The following BLTP3A variants were observed in gnomAD, a reference collection of about 807,000 sequenced individuals.
BLTP3A encodes ICBP90 binding protein 1.
the BLTP3A span, among the ~76,000 whole-genome samples, chr6:34,799,029 C>A: frequency 6.6e-6 from 1 of 152,100 alleles, no homozygotes; most frequent in Non-Finnish European, 1.5e-5. Flanking sequence ...GCAACCCCCA[C>A]CTCCTGGGCT....
chr6:34,860,636 T>C, the BLTP3A span, among the ~76,000 whole-genome samples: 1 of 152,178 alleles, frequency 6.6e-6, no homozygotes, highest in East Asian at 1.9e-4. Flanking sequence ...GTCCACTGGA[T>C]TTTTATAATA....
At chr6:34,857,863 T>G in the BLTP3A span, 2 of 1,614,018 alleles carry the variant, frequency 1.2e-6, no homozygotes, top group Non-Finnish European at 8.5e-7. Context: ...AGCTGGAAGA[T>G]TCAAGTCAGA....
the BLTP3A span, chr6:34,821,356 G>A: frequency 4.2e-6 from 1 of 237,512 alleles, no homozygotes; most frequent in African/African-American, 2.3e-5. Flanking sequence ...TTCTTTAGTA[G>A]GATGATGACA....
chr6:34,808,903 A>G, the BLTP3A span, among the ~76,000 whole-genome samples: 2 of 152,216 alleles, frequency 1.3e-5, no homozygotes, highest in Admixed American at 1.3e-4. Flanking sequence ...AATAAATTCA[A>G]TAGCTTAAGT....
chr6:34,869,376 T>A, the BLTP3A span, among the ~76,000 whole-genome samples: 2 of 152,186 alleles, frequency 1.3e-5, no homozygotes, highest in Admixed American at 1.3e-4. Context: ...TGAACCTCCT[T>A]CTGTCCCTCA....
the BLTP3A span, chr6:34,821,390 C>G: frequency 3.0e-6 from 1 of 332,994 alleles, no homozygotes. Context: ...AATCATAGGT[C>G]TCACCTAACA....
At chr6:34,839,366 G>A in the BLTP3A span, among the ~76,000 whole-genome samples, 2 of 152,208 alleles carry the variant, frequency 1.3e-5, no homozygotes, top group East Asian at 1.9e-4. Flanking sequence ...GGGAGAAAGG[G>A]GAAGGGAGAA....
the BLTP3A span, chr6:34,863,927 T>G: frequency 7.3e-7 from 1 of 1,371,164 alleles, no homozygotes; most frequent in Non-Finnish European, 9.7e-7. Flanking sequence ...CTGAAAGGGA[T>G]GGGTATTGTA....
chr6:34,850,903 G>T, the BLTP3A span, among the ~76,000 whole-genome samples: 6 of 152,204 alleles, frequency 3.9e-5, no homozygotes, highest in African/African-American at 1.2e-4. Context: ...TCACTGTGTT[G>T]TTCAGGGTGG....
the BLTP3A span, among the ~76,000 whole-genome samples, chr6:34,805,870 T>C: frequency 6.6e-6 from 1 of 152,124 alleles, no homozygotes; most frequent in East Asian, 1.9e-4. Context: ...TTTCCATTTT[T>C]CCTGGATATT....
At chr6:34,855,003 A>G in the BLTP3A span, among the ~76,000 whole-genome samples, 3 of 152,264 alleles carry the variant, frequency 2.0e-5, no homozygotes, top group African/African-American at 7.2e-5. Flanking sequence ...AATTAAATGT[A>G]AATTCAAGGT....
At chr6:34,858,547 C>T in the BLTP3A span, 2 of 1,614,182 alleles carry the variant, frequency 1.2e-6, no homozygotes, top group Non-Finnish European at 1.7e-6. Flanking sequence ...GGCCTGCCTA[C>T]CCCTCCGCTG....
At chr6:34,814,273 C>T in the BLTP3A span, among the ~76,000 whole-genome samples, 1 of 152,176 alleles carries the variant, frequency 6.6e-6, no homozygotes. Context: ...CCTTGGCCTC[C>T]CAAACTACTG....
chr6:34,853,072 C>G, the BLTP3A span, among the ~76,000 whole-genome samples: 1 of 152,212 alleles, frequency 6.6e-6, no homozygotes, highest in Non-Finnish European at 1.5e-5. Flanking sequence ...TCAAAACTGT[C>G]TTTTCTACCT....
the BLTP3A span, chr6:34,857,526 G>C: frequency 4.4e-6 from 7 of 1,582,762 alleles, no homozygotes; most frequent in South Asian, 1.2e-5. Flanking sequence ...CCATTTGTCA[G>C]CCTTGGGGCC....
At chr6:34,840,753 C>G in the BLTP3A span, among the ~76,000 whole-genome samples, 229 of 150,054 alleles carry the variant, frequency 1.5e-3, 2 homozygotes, top group African/African-American at 5.2e-3. Context: ...GTAGCTGGGA[C>G]TACAGGTGCC....
the BLTP3A span, among the ~76,000 whole-genome samples, chr6:34,827,852 G>A: frequency 4.4e-3 from 673 of 152,122 alleles, 3 homozygotes; most frequent in South Asian, 0.01. Context: ...GGCTGGTCTC[G>A]AACTCCTGAC....
chr6:34,847,930 T>C, the BLTP3A span, among the ~76,000 whole-genome samples: 1 of 136,022 alleles, frequency 7.4e-6, no homozygotes, highest in African/African-American at 2.9e-5. Flanking sequence ...CCTTTTTTTT[T>C]TTTTTTTTTT....
At chr6:34,851,540 A>G in the BLTP3A span, among the ~76,000 whole-genome samples, 5 of 152,194 alleles carry the variant, frequency 3.3e-5, no homozygotes, top group Non-Finnish European at 7.3e-5. Context: ...CAAGCACACC[A>G]TGGCCACCAC....
Sources: gnomAD v4.1 joint callset for allele counts (sites outside exome capture counted in the v4.1 genomes callset) on GRCh38, gnomAD v4.1.1 for gene constraint, MANE v1.5 for transcripts, NCBI Gene and HGNC (gene_info 2026-07-23, HGNC 2026-07-21) for gene names.